The following NKD1 variants were observed in gnomAD, a reference collection of about 807,000 sequenced individuals.
NKD1 encodes protein naked cuticle homolog 1.
In NKD1, 21 loss-of-function variants were observed where a neutral mutation model predicts 56.0. The ratio of observed to expected loss-of-function variants is 0.38; its 90% CI spans 0.27 to 0.54. The LOEUF (loss-of-function observed/expected upper bound fraction) is 0.54. NKD1 is among the 20% of genes least tolerant of loss of function. The pLI, the probability that NKD1 is intolerant of heterozygous loss-of-function variation, is 0.82. For missense variants in NKD1, 578 were observed against 642.7 expected (o/e 0.90, Z 1.09); for synonymous variants, 263 against 265.7 (o/e 0.99, Z 0.10).
At chr16:50,560,850 C>CTATCTATCTATCTATCTATA (rs1960615072) in intron 3 of NKD1, among the ~76,000 whole-genome samples, 1 of 151,842 alleles carries the variant, frequency 6.6e-6, no homozygotes, top group African/African-American at 2.4e-5. Flanking sequence ...ATCTATCTAT[C>CTATCTATCTATCTATCTATA]TATCTATCTA....
rs1303313363 is a variant in NKD1 at position 50,644,187 on chromosome 16, CA to C, written c.*10408del. The C allele has an allele frequency of 6.6e-6, 1 of 152,252 alleles. No individual in the cohort carries two copies. The highest frequency in any genetic ancestry group is 1.5e-5 in the Non-Finnish European group (1 of 68,048). The allele number at this position is 152,252 out of a possible 1,614,324, so 9.4% of individuals were successfully genotyped here. A position where few individuals can be genotyped will look rare whatever the true frequency, so the allele number is the denominator to read the frequency against. On this transcript the variant is annotated 3_prime_UTR_variant, in exon 10 of 10. Transcript: ENST00000268459. ...TGATAGACAAATTTTAGTGAATAGG[CA>C]ATTTCGTAAATACAGAATCCACGGA...
At chr16:50,599,198 G>T (rs1961542542) in intron 3 of NKD1, among the ~76,000 whole-genome samples, 1 of 152,158 alleles carries the variant, frequency 6.6e-6, no homozygotes, top group Non-Finnish European at 1.5e-5. Context: ...TGTGAGGGAA[G>T]AGAATGAAAG....
intron 3 of NKD1, among the ~76,000 whole-genome samples, chr16:50,596,098 A>G (rs1261282205): frequency 2.0e-5 from 3 of 152,176 alleles, no homozygotes; most frequent in Non-Finnish European, 4.4e-5. Flanking sequence ...CTGGCTTCCT[A>G]TGCATGTACA....
At chr16:50,548,775 C>A in intron 2 of NKD1, 26 bp downstream of exon 2, 1 of 1,383,622 alleles carries the variant, frequency 7.2e-7, no homozygotes, top group Non-Finnish European at 9.2e-7. Context: ...GCGCAGACCT[C>A]GGGGATGGAC....
At chr16:50,568,463 C>T (rs1333623392) in intron 3 of NKD1, among the ~76,000 whole-genome samples, 1 of 152,232 alleles carries the variant, frequency 6.6e-6, no homozygotes, top group East Asian at 1.9e-4. Flanking sequence ...ACAGCAGGAC[C>T]TGCCTCATGG....
At chr16:50,566,271 A>G (rs1171152542) in intron 3 of NKD1, 6 of 678,536 alleles carry the variant, frequency 8.8e-6, no homozygotes, top group Non-Finnish European at 1.1e-5. Context: ...CACCAGCCCA[A>G]ACTATGTCCC....
At position 50,617,200 on chromosome 16, in the gene NKD1, G is replaced by A. The variant is rs183574739; in HGVS notation, c.260-4402G>A. Among the ~76,000 whole-genome samples, 205 of 152,256 alleles carry A rather than the reference G, an allele frequency of 1.3e-3. 2 individuals are homozygous for A. Among genetic ancestry groups the A allele is most frequent in the Non-Finnish European group, 1.5e-4 (10 of 68,020 alleles). ...GAGCCTCCCATTGGGCCCATGGGGA[G>A]GCGGGAGGGGTGTCTAGACCCACAG... On this transcript the variant is annotated intron_variant, in intron 4 of 9. Transcript: ENST00000268459.
intron 3 of NKD1, chr16:50,556,117 A>G (rs1449288761): frequency 6.6e-6 from 1 of 152,158 alleles, no homozygotes; most frequent in Non-Finnish European, 1.5e-5. Context: ...GAGGACTTTG[A>G]TGTCACCCTG....
intron 3 of NKD1, among the ~76,000 whole-genome samples, chr16:50,588,775 T>C (rs564550908): frequency 6.6e-6 from 1 of 152,038 alleles, no homozygotes; most frequent in East Asian, 1.9e-4. Flanking sequence ...GGCTAATTTT[T>C]GTATTTTTGG....
chr16:50,627,891 A>G (rs1962258515), intron 6 of NKD1, among the ~76,000 whole-genome samples: 1 of 151,984 alleles, frequency 6.6e-6, no homozygotes. Context: ...AGTTTGGGGG[A>G]TGAAGTGAGC....
intron 3 of NKD1, among the ~76,000 whole-genome samples, chr16:50,568,590 C>A (rs1294063206): frequency 1.3e-5 from 2 of 152,146 alleles, no homozygotes; most frequent in African/African-American, 4.8e-5. Context: ...CATCCACATT[C>A]CTGAATCTAC....
intron 3 of NKD1, among the ~76,000 whole-genome samples, chr16:50,573,268 G>GC (rs1960922758): frequency 6.6e-6 from 1 of 151,816 alleles, no homozygotes; most frequent in South Asian, 2.1e-4. Context: ...TCCCTGTGGT[G>GC]CCCCCCTGCA....
At chr16:50,631,389 GAGGA>G (rs2151281165) in intron 8 of NKD1, among the ~76,000 whole-genome samples, 1 of 152,300 alleles carries the variant, frequency 6.6e-6, no homozygotes, top group Non-Finnish European at 1.5e-5. Context: ...AGCTGCAAGG[GAGGA>G]AGGGAGGAAA....
At chr16:50,627,590 C>G (rs1962251055) in intron 6 of NKD1, among the ~76,000 whole-genome samples, 2 of 152,174 alleles carry the variant, frequency 1.3e-5, no homozygotes, top group African/African-American at 4.8e-5. Flanking sequence ...AGTTCCCTTC[C>G]ACGCCTTCTG....
In NKD1 at chr16:50,640,822, A is replaced by C. The variant is rs1020262579; in HGVS notation, c.*7041A>C. 3.0e-5 allele frequency: 4 copies of C among 132,618 alleles called. No individual in the cohort carries two copies. The highest frequency in any genetic ancestry group is 1.1e-4 in the African/African-American group (4 of 37,448). 8.2% of individuals were successfully genotyped at this position (132,618 alleles called of 1,614,324 possible). A position where few individuals can be genotyped will look rare whatever the true frequency, so the allele number is the denominator to read the frequency against. ...ATTGCAGTCCCTTACTGTTTAAAGA[A>C]AAACCAAAAGAAGTTAAAAAGAAAA... On this transcript the variant is annotated 3_prime_UTR_variant, in exon 10 of 10. Coordinates refer to ENST00000268459, the MANE Select transcript of NKD1 (RefSeq NM_033119.5).
intron 3 of NKD1, among the ~76,000 whole-genome samples, chr16:50,582,788 C>T (rs1358640379): frequency 1.3e-5 from 2 of 152,200 alleles, no homozygotes; most frequent in African/African-American, 4.8e-5. Flanking sequence ...GTGGGTGGAT[C>T]ACGAGGTCAG....
At chr16:50,570,160 A>G (rs1045614178) in intron 3 of NKD1, among the ~76,000 whole-genome samples, 8 of 152,202 alleles carry the variant, frequency 5.3e-5, no homozygotes, top group African/African-American at 1.7e-4. Flanking sequence ...CTTAAATAAC[A>G]TTGTTAAAAT....
chr16:50,575,523 T>C (rs1008572328), intron 3 of NKD1, among the ~76,000 whole-genome samples: 2 of 152,192 alleles, frequency 1.3e-5, no homozygotes, highest in Non-Finnish European at 2.9e-5. Flanking sequence ...TTTCCAGGGC[T>C]CCTTCCCCGG....
chr16:50,602,287 G>A (rs1961613822), intron 3 of NKD1, among the ~76,000 whole-genome samples: 1 of 152,186 alleles, frequency 6.6e-6, no homozygotes, highest in Admixed American at 6.5e-5. Context: ...CCCTAGAGAA[G>A]AGATCTGCCC....
Sources: gnomAD v4.1 joint callset for allele counts (sites outside exome capture counted in the v4.1 genomes callset) on GRCh38, gnomAD v4.1.1 for gene constraint, MANE v1.5 for transcripts, NCBI Gene and HGNC (gene_info 2026-07-23, HGNC 2026-07-21) for gene names.